The following EDEM3 variants were observed in gnomAD, a reference collection of about 807,000 sequenced individuals.
EDEM3 encodes ER degradation enhancing alpha-mannosidase like protein 3, also known as ER degradation-enhancing alpha-mannosidase-like protein 3.
Under a neutral mutation model 110.2 loss-of-function variants are expected in EDEM3, and 60 were observed. That is an observed-to-expected ratio of 0.54 (90% CI 0.44 to 0.67). EDEM3 has a LOEUF of 0.67. Among genes scored for constraint, EDEM3 ranks in the 30% least tolerant of loss-of-function variants. The pLI, the probability that EDEM3 is intolerant of heterozygous loss-of-function variation, is 0.00. For missense variants in EDEM3, 996 were observed against 1,121.0 expected (o/e 0.89, Z 1.59); for synonymous variants, 352 against 382.9 (o/e 0.92, Z 0.94).
intron 8 of EDEM3, among the ~76,000 whole-genome samples, chr1:184,721,691 CTT>C (rs1262959203): frequency 2.0e-5 from 3 of 151,898 alleles, no homozygotes; most frequent in Admixed American, 6.5e-5. Flanking sequence ...GATGAAGTCT[CTT>C]GTTTTGCTTT....
At position 184,707,525 on chromosome 1, in the gene EDEM3, T is replaced by C. The variant is rs143354955; in HGVS notation, c.2037+628A>G. The stretch of plus-strand genomic sequence containing the variant: ...TATAGCTTCTACATAGTTTAAAATA[T>C]ACATGAGAAAAAAGTCTAAATTAGC... On this transcript the variant is annotated intron_variant, in intron 17 of 19. Coordinates refer to ENST00000318130, the MANE Select transcript of EDEM3 (RefSeq NM_025191.4). Among the ~76,000 whole-genome samples the C allele has an allele frequency of 4.2e-3, 634 of 152,326 alleles. 4 individuals are homozygous for C. Among genetic ancestry groups the C allele is most frequent in the East Asian group, 0.035 (183 of 5,194 alleles).
rs1215340746 is a variant in EDEM3 at position 184,690,678 on chromosome 1, C to T, written c.*3385G>A. 3 of 152,582 alleles carry T rather than the reference C, an allele frequency of 2.0e-5. No individual in the cohort carries two copies. The highest frequency in any genetic ancestry group is 4.8e-5 in the African/African-American group (2 of 41,438). The allele number at this position is 152,582 out of a possible 1,614,324, so 9.5% of individuals were successfully genotyped here. On this transcript the variant is annotated 3_prime_UTR_variant, in exon 20 of 20. Transcript: ENST00000318130. ...ATAAAATCCAACAACAGTAGTGTTA[C>T]AGCACCTGTTAGTACAGACATCTTT...
intron 12 of EDEM3, 89 bp downstream of exon 12, chr1:184,717,451 C>T (rs1394454343): frequency 9.5e-7 from 1 of 1,048,770 alleles, no homozygotes; most frequent in Non-Finnish European, 1.4e-6. Context: ...AAAGGGGACT[C>T]TGAAAACCCA....
intron 18 of EDEM3, among the ~76,000 whole-genome samples, chr1:184,703,909 T>C (rs1649768009): frequency 6.6e-6 from 1 of 152,118 alleles, no homozygotes; most frequent in South Asian, 2.1e-4. Flanking sequence ...CAAACTAGAA[T>C]GGCCATTTTG....
Position 184,720,509 on chromosome 1 carries a change from C to CTTTTT in EDEM3, c.951+775_951+779dup, listed in dbSNP as rs34268021. 3.0e-4 allele frequency: 38 copies of CTTTTT among 127,458 alleles called. 3 individuals are homozygous for CTTTTT. Among genetic ancestry groups the CTTTTT allele is most frequent in the African/African-American group, 1.1e-3 (34 of 31,684 alleles). The allele number at this position is 127,458 out of a possible 1,614,324, so 7.9% of individuals were successfully genotyped here. Reference sequence around the variant, plus strand: ...AATTTAAACCAGTACATCTCCCATACTTTTTTTTTTTTTTTTTTGAGACGG... The same window carrying CTTTTT: ...AATTTAAACCAGTACATCTCCCATACTTTTTTTTTTTTTTTTTTTTTTTGAGACGG... On this transcript the variant is annotated intron_variant, in intron 9 of 19. Coordinates refer to ENST00000318130, the MANE Select transcript of EDEM3 (RefSeq NM_025191.4).
intron 16 of EDEM3, among the ~76,000 whole-genome samples, chr1:184,709,931 C>T (rs1650133954): frequency 6.6e-6 from 1 of 152,096 alleles, no homozygotes; most frequent in African/African-American, 2.4e-5. Context: ...ATAAAAATTT[C>T]TCAAAAAGAC....
At chr1:184,708,489 T>C in intron 16 of EDEM3, 145 bp from the exon 17 acceptor site, 2 of 719,988 alleles carry the variant, frequency 2.8e-6, no homozygotes, top group Non-Finnish European at 4.4e-6. Flanking sequence ...ATGACCTTAT[T>C]TGTACTCAAA....
At chr1:184,705,842 C>G (rs903347898) in intron 18 of EDEM3, among the ~76,000 whole-genome samples, 3 of 151,904 alleles carry the variant, frequency 2.0e-5, no homozygotes, top group Non-Finnish European at 4.4e-5. Flanking sequence ...TATATTTCCC[C>G]TAATAGTCAT....
chr1:184,718,736 A>T (rs1650693893), intron 11 of EDEM3, among the ~76,000 whole-genome samples: 1 of 152,202 alleles, frequency 6.6e-6, no homozygotes, highest in Admixed American at 6.5e-5. Context: ...TCCAGAGGGC[A>T]TGTGTGAACA....
chr1:184,730,492 T>C (rs1651447994), intron 6 of EDEM3, among the ~76,000 whole-genome samples: 1 of 151,906 alleles, frequency 6.6e-6, no homozygotes, highest in Admixed American at 6.6e-5. Flanking sequence ...GAGGCTGAGG[T>C]GGGAGGATCA....
chr1:184,723,993 C>T (rs936564815), intron 7 of EDEM3, 137 bp from the exon 8 acceptor site: 7 of 627,928 alleles, frequency 1.1e-5, no homozygotes, highest in African/African-American at 5.8e-5. Context: ...TCTAAGATAA[C>T]TATTTATAAA....
intron 2 of EDEM3, among the ~76,000 whole-genome samples, chr1:184,745,402 T>C (rs1652374559): frequency 6.6e-6 from 1 of 152,148 alleles, no homozygotes; most frequent in Non-Finnish European, 1.5e-5. Context: ...ACAGAATTAC[T>C]GTTTCTGATG....
At chr1:184,699,994 T>C (rs1276587432) in intron 19 of EDEM3, among the ~76,000 whole-genome samples, 1 of 151,970 alleles carries the variant, frequency 6.6e-6, no homozygotes, top group African/African-American at 2.4e-5. Flanking sequence ...TTAAGTACCT[T>C]TACAAACTGA....
At position 184,734,400 on chromosome 1, in the gene EDEM3, C is replaced by T. The variant is rs138135121; in HGVS notation, c.458+131G>A. 4.2e-4 allele frequency: 111 copies of T among 265,064 alleles called. No homozygotes were observed. In the East Asian group the frequency reaches 8.7e-3, roughly 21 times the overall value. The allele number at this position is 265,064 out of a possible 1,614,324, so 16.4% of individuals were successfully genotyped here. A position where few individuals can be genotyped will look rare whatever the true frequency, so the allele number is the denominator to read the frequency against. On this transcript the variant is annotated intron_variant, in intron 5 of 19. Coordinates refer to ENST00000318130, the MANE Select transcript of EDEM3 (RefSeq NM_025191.4). ...AGGAGAATCGCTTGAACCCGGGAGGCGGAGGCTGCAGTAAGCCAAGATTGT... is the reference window on the plus strand; with the variant it reads ...AGGAGAATCGCTTGAACCCGGGAGGTGGAGGCTGCAGTAAGCCAAGATTGT...
chr1:184,733,689 A>G (rs1349615603), intron 5 of EDEM3, among the ~76,000 whole-genome samples: 1 of 151,974 alleles, frequency 6.6e-6, no homozygotes, highest in Non-Finnish European at 1.5e-5. Context: ...TTAGCTGGGC[A>G]TGGTGGCAGG....
At position 184,741,643 on chromosome 1, in the gene EDEM3, T is replaced by C. The variant is rs115321415; in HGVS notation, c.205-3932A>G. Among the ~76,000 whole-genome samples, 746 of 152,302 alleles carry C rather than the reference T, an allele frequency of 4.9e-3. 5 individuals carry two copies. Among genetic ancestry groups the C allele is most frequent in the African/African-American group, 0.017 (705 of 41,582 alleles). ...TGCTAGTGTTAGAACCCAAGTGGAA[T>C]TGATGCACAGCATTTTTCTAAGGCT... On this transcript the variant is annotated intron_variant, in intron 2 of 19. Coordinates refer to ENST00000318130, the MANE Select transcript of EDEM3 (RefSeq NM_025191.4).
chr1:184,720,336 A>G (rs181557541), intron 9 of EDEM3, among the ~76,000 whole-genome samples: 3 of 152,150 alleles, frequency 2.0e-5, no homozygotes, highest in Admixed American at 2.0e-4. Context: ...GGTTAAAGGC[A>G]CTGCTCTAAT....
intron 2 of EDEM3, among the ~76,000 whole-genome samples, chr1:184,742,127 G>T (rs556139869): frequency 1.8e-4 from 27 of 152,148 alleles, no homozygotes; most frequent in Middle Eastern, 3.4e-3. Flanking sequence ...TAGTGGCCAG[G>T]AACACTAAAC....
chr1:184,732,184 A>C lies in EDEM3; in HGVS notation c.612+653T>G, dbSNP rs561015040. Among the ~76,000 whole-genome samples, 739 of 151,476 alleles carry C rather than the reference A, an allele frequency of 4.9e-3. 7 individuals are homozygous for C. The highest frequency in any genetic ancestry group is 0.036 in the East Asian group (185 of 5,130). Reference sequence around the variant, plus strand: ...GTGGGAGACTCCATTCCCCCCCACCAAAAAAAAGAAATAAGCCAGGCATAG... The same window carrying C: ...GTGGGAGACTCCATTCCCCCCCACCCAAAAAAAGAAATAAGCCAGGCATAG... On this transcript the variant is annotated intron_variant, in intron 6 of 19. Transcript: ENST00000318130.
Sources: gnomAD v4.1 joint callset for allele counts (sites outside exome capture counted in the v4.1 genomes callset) on GRCh38, gnomAD v4.1.1 for gene constraint, MANE v1.5 for transcripts, NCBI Gene and HGNC (gene_info 2026-07-23, HGNC 2026-07-21) for gene names.